The following MYO1D variants were observed in gnomAD, a reference collection of about 807,000 sequenced individuals.
MYO1D encodes the protein unconventional myosin-Id.
MYO1D carries 83 observed loss-of-function variants against 122.0 expected under a neutral mutation model. The ratio of observed to expected loss-of-function variants is 0.68; its 90% CI spans 0.57 to 0.82. The LOEUF (loss-of-function observed/expected upper bound fraction) is 0.82. Ranked by LOEUF, MYO1D falls within the 40% of genes least tolerant of loss-of-function variation. The pLI, the probability that MYO1D is intolerant of heterozygous loss-of-function variation, is 0.00. For synonymous variants in MYO1D, 464 were observed against 446.9 expected (o/e 1.04, Z -0.48); for missense variants, 1,157 against 1,269.5 (o/e 0.91, Z 1.35).
chr17:32,614,861 G>T (rs547190025), intron 20 of MYO1D, among the ~76,000 whole-genome samples: 1 of 152,242 alleles, frequency 6.6e-6, no homozygotes, highest in Admixed American at 6.5e-5. Context: ...TCGTGTGCAG[G>T]TGCTCTGGTC....
intron 1 of MYO1D, among the ~76,000 whole-genome samples, chr17:32,813,595 G>A (rs1033194935): frequency 6.6e-6 from 1 of 152,140 alleles, no homozygotes; most frequent in Non-Finnish European, 1.5e-5. Context: ...AGGATGGAAA[G>A]AAGTTCAGTA....
At chr17:32,859,307 C>T (rs1159495813) in intron 1 of MYO1D, among the ~76,000 whole-genome samples, 1 of 152,212 alleles carries the variant, frequency 6.6e-6, no homozygotes, top group East Asian at 1.9e-4. Context: ...TTATCCTCAA[C>T]ATATTTACTT....
chr17:32,660,889 T>G (rs548050790), intron 16 of MYO1D, among the ~76,000 whole-genome samples: 24 of 152,322 alleles, frequency 1.6e-4, no homozygotes, highest in East Asian at 1.5e-3. Context: ...AATTACAGGG[T>G]GAAAGTATGT....
chr17:32,745,140 A>G, intron 13 of MYO1D, 71 bp downstream of exon 13: 1 of 845,806 alleles, frequency 1.2e-6, no homozygotes, highest in Non-Finnish European at 1.9e-6. Context: ...GCATATAAAT[A>G]TAACCATGTG....
At chr17:32,677,586 T>TATAA (rs1287271811) in intron 16 of MYO1D, among the ~76,000 whole-genome samples, 2 of 10,668 alleles carry the variant, frequency 1.9e-4, no homozygotes, top group Admixed American at 1.5e-3. Context: ...GATAAATATA[T>TATAA]ATATATATAT....
At chr17:32,698,465 C>T (rs943640725) in intron 16 of MYO1D, among the ~76,000 whole-genome samples, 3 of 144,448 alleles carry the variant, frequency 2.1e-5, no homozygotes, top group Non-Finnish European at 3.0e-5. Context: ...AGAAATAAAA[C>T]ACTTGATTGG....
chr17:32,522,750 G>A lies in MYO1D; in HGVS notation c.2865-27835C>T, dbSNP rs114298686. Reference sequence around the variant, plus strand: ...TCATTACCCACTGAGGAGGGCCAGTGCTGCCTGTGGACTCCATTAGGAGCA... The same window carrying A: ...TCATTACCCACTGAGGAGGGCCAGTACTGCCTGTGGACTCCATTAGGAGCA... On this transcript the variant is annotated intron_variant, in intron 21 of 21. Coordinates refer to ENST00000318217, the MANE Select transcript of MYO1D (RefSeq NM_015194.3). 3.1e-3 allele frequency among the ~76,000 whole-genome samples: 476 copies of A among 152,052 alleles called. 5 individuals are homozygous for A. Among genetic ancestry groups the A allele is most frequent in the African/African-American group, 0.011 (466 of 41,470 alleles).
At chr17:32,618,357 G>A (rs993910282) in intron 20 of MYO1D, among the ~76,000 whole-genome samples, 2 of 152,188 alleles carry the variant, frequency 1.3e-5, no homozygotes, top group Non-Finnish European at 2.9e-5. Context: ...TTAACAGCTT[G>A]ATGAAAGCCA....
intron 20 of MYO1D, among the ~76,000 whole-genome samples, chr17:32,629,633 G>A (rs1407092869): frequency 6.6e-6 from 1 of 151,818 alleles, no homozygotes; most frequent in Non-Finnish European, 1.5e-5. Flanking sequence ...CTACTCGGCT[G>A]AGGCAGAGAA....
intron 14 of MYO1D, among the ~76,000 whole-genome samples, chr17:32,734,215 C>T (rs1268508874): frequency 6.6e-5 from 10 of 152,026 alleles, no homozygotes; most frequent in African/African-American, 2.4e-4. Flanking sequence ...TTCAGGTTGC[C>T]CCATTCTTCT....
intron 19 of MYO1D, among the ~76,000 whole-genome samples, chr17:32,641,994 G>A (rs2088207621): frequency 6.6e-6 from 1 of 152,200 alleles, no homozygotes; most frequent in South Asian, 2.1e-4. Flanking sequence ...TTTTAGACAT[G>A]AAGTTCTTGC....
chr17:32,495,755 A>C (rs891085470), intron 21 of MYO1D: 3 of 152,314 alleles, frequency 2.0e-5, no homozygotes, highest in African/African-American at 7.2e-5. Context: ...GCACAATCCC[A>C]CGCTGTACCT....
At chr17:32,787,652 C>T (rs187249855) in intron 1 of MYO1D, among the ~76,000 whole-genome samples, 3 of 152,246 alleles carry the variant, frequency 2.0e-5, no homozygotes, top group African/African-American at 4.8e-5. Flanking sequence ...ATCTTGACCT[C>T]GTGATCTGCC....
intron 1 of MYO1D, among the ~76,000 whole-genome samples, chr17:32,833,878 G>T (rs190797364): frequency 2.9e-4 from 44 of 151,890 alleles, no homozygotes; most frequent in Non-Finnish European, 4.1e-4. Flanking sequence ...GGCCTTCCCT[G>T]GCCATTCTAG....
intron 1 of MYO1D, among the ~76,000 whole-genome samples, chr17:32,829,847 C>A (rs1021365534): frequency 1.3e-5 from 2 of 152,224 alleles, no homozygotes; most frequent in East Asian, 1.9e-4. Flanking sequence ...AATGAAAAGT[C>A]CCTAGCATGA....
chr17:32,769,903 G>C (rs1238239165), intron 6 of MYO1D, among the ~76,000 whole-genome samples: 1 of 152,064 alleles, frequency 6.6e-6, no homozygotes, highest in Non-Finnish European at 1.5e-5. Flanking sequence ...TTTCTGTGGG[G>C]ACTCTACACG....
In MYO1D at chr17:32,494,883, T is replaced by C. The variant is rs759109942; in HGVS notation, c.2897A>G (p.Asn966Ser). ...EKRHLQVNVT[N>S]PVQCSLHGKK... ...CCCGTGCAGGCTGCACTGTACTGGG[T>C]TGGTGACGTTCACTTGAAGGTGGCG... The change falls in exon 22 of 22, where the codon AAC becomes AGC. Residue 966 changes from asparagine to serine, a missense_variant. Coordinates refer to ENST00000318217, the MANE Select transcript of MYO1D (RefSeq NM_015194.3). The C allele has an allele frequency of 2.5e-6, 4 of 1,608,388 alleles. No individual in the cohort carries two copies. In the Admixed American group the frequency reaches 6.7e-5, roughly 27 times the overall value.
At chr17:32,684,128 G>A (rs1318632560) in intron 16 of MYO1D, 1 of 153,856 alleles carries the variant, frequency 6.5e-6, no homozygotes, top group African/African-American at 2.4e-5. Context: ...CGCACCCACT[G>A]GCCTGCGCCC....
chr17:32,589,129 T>C (rs1201042446), intron 21 of MYO1D, among the ~76,000 whole-genome samples: 1 of 152,232 alleles, frequency 6.6e-6, no homozygotes, highest in Non-Finnish European at 1.5e-5. Flanking sequence ...CAAATTGGCC[T>C]GCTTTAGGTC....
Sources: gnomAD v4.1 joint callset for allele counts (sites outside exome capture counted in the v4.1 genomes callset) on GRCh38, gnomAD v4.1.1 for gene constraint, MANE v1.5 for transcripts, NCBI Gene and HGNC (gene_info 2026-07-23, HGNC 2026-07-21) for gene names.